The following USH1C variants were observed in gnomAD, a reference collection of about 807,000 sequenced individuals.
The protein encoded by USH1C is harmonin.
In USH1C, 90 loss-of-function variants were observed where a neutral mutation model predicts 119.3. The observed-to-expected ratio is 0.75, with a 90% CI of 0.64 to 0.90. USH1C has a LOEUF of 0.90. Among genes scored for constraint, USH1C ranks in the 40% least tolerant of loss-of-function variants. The pLI is 0.00. For synonymous variants in USH1C, 465 were observed against 443.3 expected (o/e 1.05, Z -0.62); for missense variants, 1,165 against 1,167.7 (o/e 1.00, Z 0.03).
intron 26 of USH1C, chr11:17,494,792 G>T: frequency 3.3e-6 from 1 of 299,176 alleles, no homozygotes; most frequent in East Asian, 7.9e-5. Flanking sequence ...CCCAGATGCT[G>T]CCATCTGTGG....
rs1849759997 is a variant in USH1C at position 17,509,176 on chromosome 11, G to A, written c.2013+180C>T. 3.9e-5 allele frequency among the ~76,000 whole-genome samples: 6 copies of A among 152,178 alleles called. No individual in the cohort carries two copies. In the South Asian group the frequency reaches 1.2e-3, roughly 32 times the overall value. Reference sequence around the variant, plus strand: ...TACAATACAGCACTTCAAAATCAGTGAGAACCACCATATACATGCAGGATG... The same window carrying A: ...TACAATACAGCACTTCAAAATCAGTAAGAACCACCATATACATGCAGGATG... On this transcript the variant is annotated intron_variant, in intron 18 of 26. Coordinates refer to ENST00000005226, the MANE Select transcript of USH1C (RefSeq NM_153676.4).
intron 17 of USH1C, among the ~76,000 whole-genome samples, chr11:17,510,082 G>A (rs1487335327): frequency 1.3e-5 from 2 of 152,180 alleles, no homozygotes; most frequent in African/African-American, 2.4e-5. Context: ...GGGTGGTAAG[G>A]TGTTCACAGA....
chr11:17,538,249 C>G (rs112297991), intron 1 of USH1C, among the ~76,000 whole-genome samples: 3,641 of 152,272 alleles, frequency 0.024, 141 homozygotes, highest in African/African-American at 0.083. Context: ...TTCTCTGGCA[C>G]TGTGCTATTG....
intron 14 of USH1C, among the ~76,000 whole-genome samples, chr11:17,519,443 C>A (rs1236384540): frequency 1.3e-5 from 2 of 152,148 alleles, no homozygotes; most frequent in East Asian, 3.8e-4. Context: ...AAATAAATAA[C>A]CAGCTAGTGA....
intron 1 of USH1C, 50 bp from the exon 2 acceptor site, chr11:17,533,372 C>CCCCCA (rs3033420): frequency 7.4e-7 from 1 of 1,343,562 alleles, no homozygotes. Context: ...CACCCGCCCC[C>CCCCCA]ATAGCAGACC....
chr11:17,494,511 T>C, intron 26 of USH1C, 135 bp from the exon 27 acceptor site: 1 of 990,732 alleles, frequency 1.0e-6, no homozygotes, highest in South Asian at 1.4e-5. Context: ...GAGACCCCTC[T>C]GGGTGCAGGC....
At chr11:17,526,279 G>T in intron 8 of USH1C, 68 bp downstream of exon 8, 2 of 1,333,650 alleles carry the variant, frequency 1.5e-6, no homozygotes, top group South Asian at 1.2e-5. Context: ...AGTGAGGAAG[G>T]GGAGGGCAAT....
chr11:17,494,463 G>T, intron 26 of USH1C, 87 bp from the exon 27 acceptor site: 28 of 1,458,026 alleles, frequency 1.9e-5, no homozygotes, highest in Non-Finnish European at 9.4e-7. Flanking sequence ...ACAAGGGGGA[G>T]TACCCACTCT....
chr11:17,514,210 T>A (rs2018972), intron 15 of USH1C, among the ~76,000 whole-genome samples: 75,853 of 152,032 alleles, frequency 0.5, 19,981 homozygotes, highest in East Asian at 0.63. Context: ...AGACACTGAA[T>A]CTTTATATTA....
Position 17,527,780 on chromosome 11 carries a change from G to T in USH1C, c.388-449C>A, listed in dbSNP as rs1446607244. The stretch of plus-strand genomic sequence containing the variant: ...AGTTGGCTCCCTATCTCTGTTAATT[G>T]CTACAACACTGTAACTGAGTCGGGG... On this transcript the variant is annotated intron_variant, in intron 4 of 26. Transcript: ENST00000005226. 2.0e-5 allele frequency among the ~76,000 whole-genome samples: 3 copies of T among 152,180 alleles called. No homozygotes were observed. The East Asian group carries it at 5.8e-4, about 29-fold the overall frequency.
chr11:17,504,206 C>T (rs550441607), intron 20 of USH1C, among the ~76,000 whole-genome samples: 216 of 152,274 alleles, frequency 1.4e-3, no homozygotes, highest in African/African-American at 4.9e-3. Context: ...CTCCCTGACG[C>T]TGGTTCAGTG....
intron 24 of USH1C, 74 bp from the exon 25 acceptor site, chr11:17,496,887 T>C: frequency 1.3e-6 from 2 of 1,574,678 alleles, no homozygotes; most frequent in Non-Finnish European, 1.7e-6. Flanking sequence ...TCCATCCCCA[T>C]TTCTGGGCCC....
At chr11:17,532,245 T>A (rs1269803039) in intron 2 of USH1C, among the ~76,000 whole-genome samples, 2 of 152,188 alleles carry the variant, frequency 1.3e-5, no homozygotes, top group African/African-American at 4.8e-5. Context: ...CTGATGCTGA[T>A]CCCTCATTCT....
intron 6 of USH1C, 24 bp from the exon 7 acceptor site, chr11:17,526,834 G>C: frequency 6.2e-7 from 1 of 1,609,218 alleles, no homozygotes; most frequent in Middle Eastern, 1.7e-4. Context: ...AAAATAGATG[G>C]GAGGGTGGTT....
At chr11:17,521,082 G>T (rs1565048176) in intron 13 of USH1C, 88 bp from the exon 14 acceptor site, 1 of 1,567,666 alleles carries the variant, frequency 6.4e-7, no homozygotes, top group Non-Finnish European at 8.8e-7. Flanking sequence ...CCAGCCTGGG[G>T]AGAAGCCTCA....
chr11:17,531,119 C>T lies in USH1C; in HGVS notation c.387+35G>A, dbSNP rs763421826. 2 of 1,613,384 alleles carry T rather than the reference C, an allele frequency of 1.2e-6. No homozygotes were observed. The highest frequency in any genetic ancestry group is 1.3e-5 in the African/African-American group (1 of 75,032). Reference sequence around the variant, plus strand: ...GAGGGGGAGGCAGGAGGTCCGAGGCCCTCGCTCCCCCTCCCCCGGACTCTG... The same window carrying T: ...GAGGGGGAGGCAGGAGGTCCGAGGCTCTCGCTCCCCCTCCCCCGGACTCTG... On this transcript the variant is annotated intron_variant, in intron 4 of 26. Transcript: ENST00000005226. This position sits in a 1 kb window ranked among gnomAD's most constrained non-coding sequence, Gnocchi z 4.2.
At chr11:17,525,143 C>A (rs1422520461) in intron 8 of USH1C, among the ~76,000 whole-genome samples, 1 of 152,218 alleles carries the variant, frequency 6.6e-6, no homozygotes, top group African/African-American at 2.4e-5. Flanking sequence ...TTGATCACAG[C>A]ACTCTTTCCC....
chr11:17,497,362 A>G (rs2072231), intron 24 of USH1C, among the ~76,000 whole-genome samples: 21,723 of 152,058 alleles, frequency 0.14, 1,880 homozygotes, highest in East Asian at 0.32. Context: ...CCCCTCTACC[A>G]TGAGCTGGTT....
intron 24 of USH1C, 135 bp from the exon 25 acceptor site, chr11:17,496,948 G>A (rs1849271937): frequency 1.0e-6 from 1 of 954,174 alleles, no homozygotes; most frequent in Non-Finnish European, 1.6e-6. Flanking sequence ...GCCCACCTGG[G>A]GCCCACTGTG....
Sources: gnomAD v4.1 joint callset for allele counts (sites outside exome capture counted in the v4.1 genomes callset) on GRCh38, gnomAD v4.1.1 for gene constraint, Gnocchi (gnomAD v3.1) non-coding constraint, MANE v1.5 for transcripts, NCBI Gene and HGNC (gene_info 2026-07-23, HGNC 2026-07-21) for gene names.